MTSS1: variants seen among roughly 807,000 people sequenced by gnomAD.
MTSS1 encodes the protein MTSS I-BAR domain containing 1.
Under a neutral mutation model 79.0 loss-of-function variants are expected in MTSS1, and 18 were observed. The observed-to-expected ratio is 0.23, with a 90% CI of 0.16 to 0.34. The LOEUF is 0.34. Ranked by LOEUF, MTSS1 falls within the 10% of genes least tolerant of loss-of-function variation. The pLI is 1.00. For missense variants in MTSS1, 815 were observed against 986.2 expected (o/e 0.83, Z 2.33); for synonymous variants, 341 against 368.6 (o/e 0.93, Z 0.86).
chr8:124,551,792 C>T lies in MTSS1; in HGVS notation c.*1200G>A, dbSNP rs2131641666. The T allele has an allele frequency of 6.6e-6, 1 of 152,570 alleles. No homozygotes were observed. Among genetic ancestry groups the T allele is most frequent in the South Asian group, 2.1e-4 (1 of 4,822 alleles). 9.5% of individuals were successfully genotyped at this position (152,570 alleles called of 1,614,324 possible). The stretch of plus-strand genomic sequence containing the variant: ...AAAAGGACAGTATAGTGGTCAGATT[C>T]CCAGTGACAATAAACAAATCCTCCT... On this transcript the variant is annotated 3_prime_UTR_variant, in exon 14 of 14. Coordinates refer to ENST00000518547, the MANE Select transcript of MTSS1 (RefSeq NM_014751.6).
At chr8:124,568,792 C>T in intron 6 of MTSS1, 1 of 1,447,830 alleles carries the variant, frequency 6.9e-7, no homozygotes, top group East Asian at 2.5e-5. Context: ...CTCTTCATGA[C>T]TTGCCTTCTC....
chr8:124,694,269 T>C (rs1190876248), intron 3 of MTSS1, among the ~76,000 whole-genome samples: 3 of 152,142 alleles, frequency 2.0e-5, no homozygotes, highest in African/African-American at 4.8e-5. Flanking sequence ...TCCCGGCCAC[T>C]GTGCCATCTG....
In MTSS1 at chr8:124,662,700, T is replaced by G. The variant is rs1359003033; in HGVS notation, c.208+36826A>C. On this transcript the variant is annotated intron_variant, in intron 3 of 13. Coordinates refer to ENST00000518547, the MANE Select transcript of MTSS1 (RefSeq NM_014751.6). ...AACGAAAGCTATTATTTATTATATT[T>G]GTAAATATTGGGGGAGGGGGTGGGA... 2.6e-5 allele frequency among the ~76,000 whole-genome samples: 4 copies of G among 151,622 alleles called. No homozygotes were observed. The East Asian group carries it at 7.7e-4, about 29-fold the overall frequency.
chr8:124,710,358 A>G (rs1438035684), intron 1 of MTSS1, among the ~76,000 whole-genome samples: 3 of 152,186 alleles, frequency 2.0e-5, no homozygotes, highest in African/African-American at 7.2e-5. Context: ...GAAAATAATG[A>G]AGTCATTTTC....
At chr8:124,719,257 A>G (rs1209099389) in intron 1 of MTSS1, among the ~76,000 whole-genome samples, 1 of 152,194 alleles carries the variant, frequency 6.6e-6, no homozygotes, top group Non-Finnish European at 1.5e-5. Context: ...AGTTACTAAG[A>G]CTACCTCGCT....
chr8:124,667,907 T>G (rs950390644), intron 3 of MTSS1, among the ~76,000 whole-genome samples: 1 of 150,908 alleles, frequency 6.6e-6, no homozygotes, highest in Non-Finnish European at 1.5e-5. Context: ...GCGAGACCCT[T>G]TCTCTATAAA....
In MTSS1 at chr8:124,727,628, G is replaced by C. The variant is rs1235410186; in HGVS notation, c.72+256C>G. 1 of 637,820 alleles carries C rather than the reference G, an allele frequency of 1.6e-6. No homozygotes were observed. The highest frequency in any genetic ancestry group is 1.8e-5 in the African/African-American group (1 of 55,260). 39.5% of individuals were successfully genotyped at this position (637,820 alleles called of 1,614,324 possible). ...GCCCCCGAGGGAAAGAAATGGTGCCGCCCCCTGGGACAATGAGCGGGGGAG... is the reference window on the plus strand; with the variant it reads ...GCCCCCGAGGGAAAGAAATGGTGCCCCCCCCTGGGACAATGAGCGGGGGAG... On this transcript the variant is annotated intron_variant, in intron 1 of 13. Transcript: ENST00000518547. The surrounding 1 kb of genome is among the most constrained non-coding windows in gnomAD (Gnocchi z 4.7).
chr8:124,625,261 A>G (rs966027818), intron 3 of MTSS1, among the ~76,000 whole-genome samples: 4 of 151,998 alleles, frequency 2.6e-5, no homozygotes, highest in Non-Finnish European at 5.9e-5. Flanking sequence ...GTAAAATGGA[A>G]CTCTGTACCT....
chr8:124,671,785 C>T (rs1228691052), intron 3 of MTSS1, among the ~76,000 whole-genome samples: 1 of 152,186 alleles, frequency 6.6e-6, no homozygotes, highest in African/African-American at 2.4e-5. Flanking sequence ...CATTCTGCCC[C>T]AGGAAACACA....
intron 8 of MTSS1, among the ~76,000 whole-genome samples, chr8:124,566,818 C>T (rs1225322573): frequency 1.3e-5 from 2 of 152,178 alleles, no homozygotes; most frequent in East Asian, 3.9e-4. Flanking sequence ...GCCTCTGCAT[C>T]ATTCTCTATA....
chr8:124,625,460 G>A lies in MTSS1; in HGVS notation c.209-34225C>T, dbSNP rs138208403. Among the ~76,000 whole-genome samples the A allele has an allele frequency of 4.9e-3, 749 of 152,292 alleles. 7 individuals are homozygous for A. The highest frequency in any genetic ancestry group is 0.017 in the African/African-American group (719 of 41,538). On this transcript the variant is annotated intron_variant, in intron 3 of 13. Coordinates refer to ENST00000518547, the MANE Select transcript of MTSS1 (RefSeq NM_014751.6). The stretch of plus-strand genomic sequence containing the variant: ...TTACAGTCCAGGGAAATGAGTGCAT[G>A]GTTGGGAACCTAAGGATCGCAAATG...
intron 1 of MTSS1, among the ~76,000 whole-genome samples, chr8:124,725,866 A>T (rs1254892621): frequency 6.6e-6 from 1 of 152,198 alleles, no homozygotes; most frequent in Non-Finnish European, 1.5e-5. Context: ...GAAATCAGAC[A>T]TTCCCTCTCT....
At chr8:124,619,995 G>A (rs541944333) in intron 3 of MTSS1, among the ~76,000 whole-genome samples, 5 of 143,788 alleles carry the variant, frequency 3.5e-5, no homozygotes, top group African/African-American at 1.1e-4. Context: ...CTTCTTGGCC[G>A]GGCTGGAGTG....
At chr8:124,558,207 G>A (rs1314956085) in intron 10 of MTSS1, among the ~76,000 whole-genome samples, 2 of 151,072 alleles carry the variant, frequency 1.3e-5, no homozygotes, top group Admixed American at 1.3e-4. Flanking sequence ...TGGTGATAGT[G>A]ATTTGCTCAT....
chr8:124,713,816 C>G (rs987589273), intron 1 of MTSS1, among the ~76,000 whole-genome samples: 1 of 151,666 alleles, frequency 6.6e-6, no homozygotes, highest in African/African-American at 2.4e-5. Context: ...ACTTCCCAGG[C>G]CCCTCATTGC....
At chr8:124,704,072 A>G in intron 2 of MTSS1, 58 bp downstream of exon 2, 1 of 1,523,356 alleles carries the variant, frequency 6.6e-7, no homozygotes, top group Non-Finnish European at 9.1e-7. Flanking sequence ...GGTCTGTCCC[A>G]CTCCATCCTT....
intron 3 of MTSS1, among the ~76,000 whole-genome samples, chr8:124,694,293 G>A (rs548533043): frequency 6.6e-6 from 1 of 152,062 alleles, no homozygotes; most frequent in South Asian, 2.1e-4. Context: ...GTGTCAGCAA[G>A]GGCCTTTGAA....
intron 3 of MTSS1, among the ~76,000 whole-genome samples, chr8:124,689,615 G>A (rs754037997): frequency 1.3e-5 from 2 of 151,802 alleles, no homozygotes; most frequent in African/African-American, 4.8e-5. Context: ...GCATGGTGGC[G>A]CATGCCTGTA....
chr8:124,617,984 C>T (rs1174679878), intron 3 of MTSS1, among the ~76,000 whole-genome samples: 2 of 152,160 alleles, frequency 1.3e-5, no homozygotes, highest in Non-Finnish European at 2.9e-5. Context: ...GAATTATTTA[C>T]GTGGGTTATG....
Sources: gnomAD v4.1 joint callset for allele counts (sites outside exome capture counted in the v4.1 genomes callset) on GRCh38, gnomAD v4.1.1 for gene constraint, Gnocchi (gnomAD v3.1) non-coding constraint, MANE v1.5 for transcripts, NCBI Gene and HGNC (gene_info 2026-07-23, HGNC 2026-07-21) for gene names.